CNNM2: variants seen among roughly 807,000 people sequenced by gnomAD.
CNNM2 encodes the protein metal transporter CNNM2.
In CNNM2, 12 loss-of-function variants were observed where a neutral mutation model predicts 66.9. That is an observed-to-expected ratio of 0.18 (90% CI 0.11 to 0.29). The LOEUF is 0.29. Ranked by LOEUF, CNNM2 falls within the 10% of genes least tolerant of loss-of-function variation. CNNM2 has a pLI of 1.00. For synonymous variants in CNNM2, 557 were observed against 501.8 expected, an observed-to-expected ratio of 1.11 and a Z score of -1.47; for missense variants, 705 against 1,167.7, an observed-to-expected ratio of 0.60 and a Z score of 5.77.
chr10:102,948,111 A>G (rs1187105374), intron 1 of CNNM2, among the ~76,000 whole-genome samples: 1 of 152,184 alleles, frequency 6.6e-6, no homozygotes, highest in East Asian at 1.9e-4. Context: ...TTCATCTTGT[A>G]ATTTTCTATT....
intron 6 of CNNM2, among the ~76,000 whole-genome samples, chr10:103,073,868 CAAAAAA>C (rs61331007): frequency 4.3e-5 from 3 of 70,242 alleles, no homozygotes; most frequent in African/African-American, 6.1e-5. Context: ...GACTCCGTCT[CAAAAAA>C]AAAAAAAAAA....
At position 102,918,601 on chromosome 10, in the gene CNNM2, C is replaced by T. The variant is rs1845508082; in HGVS notation, c.121C>T (p.Leu41=). ...CCTCAGCGCTCGCGGCCGGGGGATC[C>T]TGCAGGCGGCTGCGGGGCGGCTGCT... ...RSLSARGRGI[L]QAAAGRLLPL... The change falls in exon 1 of 8, where the codon CTG becomes TTG. Residue 41 remains leucine (L), a synonymous_variant. Transcript: ENST00000369878. The surrounding 1 kb of genome is among the most constrained non-coding windows in gnomAD (Gnocchi z 4.1). The T allele has an allele frequency of 3.9e-5, 60 of 1,556,260 alleles. No individual in the cohort carries two copies. The East Asian group carries it at 1.4e-3, about 37-fold the overall frequency.
intron 4 of CNNM2, among the ~76,000 whole-genome samples, chr10:103,059,889 C>A (rs2065355798): frequency 6.6e-6 from 1 of 152,192 alleles, no homozygotes; most frequent in African/African-American, 2.4e-5. Flanking sequence ...TGCCTGTAAT[C>A]CCAGAACTTT....
chr10:103,058,950 AGTTT>A lies in CNNM2; in HGVS notation c.2073+1995_2073+1998del, dbSNP rs141662196. On this transcript the variant is annotated intron_variant, in intron 4 of 7. Coordinates refer to ENST00000369878, the MANE Select transcript of CNNM2 (RefSeq NM_017649.5). Reference sequence around the variant, plus strand: ...CTTTAGGGAGCATGATCCACTGTGGAGTTTGTTTGTTTTTTTGTTTGTTTTGTTT... The same window carrying A: ...CTTTAGGGAGCATGATCCACTGTGGAGTTTGTTTTTTTGTTTGTTTTGTTT... 0.019 allele frequency among the ~76,000 whole-genome samples: 2,897 copies of A among 152,078 alleles called. 52 individuals are homozygous for A. The highest frequency in any genetic ancestry group is 0.085 in the South Asian group (408 of 4,820).
chr10:102,994,579 TG>T (rs1033178992), intron 1 of CNNM2, among the ~76,000 whole-genome samples: 21 of 152,210 alleles, frequency 1.4e-4, no homozygotes, highest in African/African-American at 5.1e-4. Context: ...AGCTGCCAGT[TG>T]GGGTTTTAAA....
Position 103,072,499 on chromosome 10 carries a change from G to A in CNNM2, c.2233+660G>A, listed in dbSNP as rs186473702. 1.3e-3 allele frequency among the ~76,000 whole-genome samples: 197 copies of A among 151,392 alleles called. 1 individual carries two copies. Among genetic ancestry groups the A allele is most frequent in the African/African-American group, 4.5e-3 (187 of 41,246 alleles). On this transcript the variant is annotated intron_variant, in intron 6 of 7. Coordinates refer to ENST00000369878, the MANE Select transcript of CNNM2 (RefSeq NM_017649.5). ...CGCTTCTCCCCGCCACCAGGCAGGC[G>A]ACCCCGCTTCTCCCCGCCACCAGGC...
In CNNM2 at chr10:102,959,727, C is replaced by T. The variant is rs141491873; in HGVS notation, c.1621+39626C>T. On this transcript the variant is annotated intron_variant, in intron 1 of 7. Transcript: ENST00000369878. ...AGTGTGCTAGGATTACAGGCATGCG[C>T]CACTGCAGCTGGCCAGCTTCCTCAT... Among the ~76,000 whole-genome samples the T allele has an allele frequency of 2.5e-3, 375 of 152,272 alleles. 2 individuals are homozygous for T. Among genetic ancestry groups the T allele is most frequent in the African/African-American group, 8.8e-3 (365 of 41,552 alleles).
rs141397486 is a variant in CNNM2 at position 102,956,372 on chromosome 10, C to T, written c.1621+36271C>T. 0.016 allele frequency among the ~76,000 whole-genome samples: 2,351 copies of T among 151,056 alleles called. 55 individuals are homozygous for T. The highest frequency in any genetic ancestry group is 0.053 in the African/African-American group (2,184 of 41,106). On this transcript the variant is annotated intron_variant, in intron 1 of 7. Transcript: ENST00000369878. ...TAGGAACGCTTTTACACTGTTGGTG[C>T]GAGTGTAAACTAGTTCAACTATTGT...
At chr10:103,007,587 G>A (rs184573001) in intron 1 of CNNM2, among the ~76,000 whole-genome samples, 17 of 152,148 alleles carry the variant, frequency 1.1e-4, no homozygotes, top group South Asian at 4.2e-4. Context: ...AATAATTCGC[G>A]ATATCTTCCC....
chr10:102,988,056 T>C (rs1262160177), intron 1 of CNNM2, among the ~76,000 whole-genome samples: 1 of 152,158 alleles, frequency 6.6e-6, no homozygotes, highest in Non-Finnish European at 1.5e-5. Flanking sequence ...CCCAGCACTT[T>C]GGGAGGCCGA....
intron 5 of CNNM2, among the ~76,000 whole-genome samples, chr10:103,071,020 G>T (rs2065570482): frequency 6.6e-6 from 1 of 152,160 alleles, no homozygotes; most frequent in Non-Finnish European, 1.5e-5. Context: ...TAAGATTTGG[G>T]ATTTTGTATA....
At chr10:102,956,258 A>C (rs1847031290) in intron 1 of CNNM2, among the ~76,000 whole-genome samples, 1 of 145,150 alleles carries the variant, frequency 6.9e-6, no homozygotes, top group Non-Finnish European at 1.5e-5. Flanking sequence ...ACTTCACTCC[A>C]GCCTGGGCAA....
chr10:103,041,289 C>T (rs754331597), intron 1 of CNNM2, among the ~76,000 whole-genome samples: 5 of 152,154 alleles, frequency 3.3e-5, no homozygotes, highest in Non-Finnish European at 5.9e-5. Context: ...TTTCACTGAG[C>T]TGTGAAACTT....
chr10:103,034,013 A>C (rs2064881009), intron 1 of CNNM2, among the ~76,000 whole-genome samples: 3 of 147,178 alleles, frequency 2.0e-5, no homozygotes, highest in Non-Finnish European at 4.5e-5. Context: ...TCACCCTTTC[A>C]TTTTTTTTTT....
intron 1 of CNNM2, among the ~76,000 whole-genome samples, chr10:103,049,095 C>T (rs1460080172): frequency 1.3e-5 from 2 of 152,146 alleles, no homozygotes; most frequent in Non-Finnish European, 2.9e-5. Flanking sequence ...GTCTTCCCGC[C>T]CGGGCCTCCC....
intron 1 of CNNM2, among the ~76,000 whole-genome samples, chr10:103,035,838 A>T (rs2064926668): frequency 6.6e-6 from 1 of 152,106 alleles, no homozygotes; most frequent in African/African-American, 2.4e-5. Context: ...GAAGTAAATG[A>T]CTTGGCTTCT....
intron 1 of CNNM2, among the ~76,000 whole-genome samples, chr10:102,922,918 G>A (rs1333645788): frequency 6.7e-6 from 1 of 150,112 alleles, no homozygotes; most frequent in East Asian, 1.9e-4. Context: ...CTACAGCCTT[G>A]GGGACAAAGA....
At chr10:102,969,581 A>G (rs2063519068) in intron 1 of CNNM2, among the ~76,000 whole-genome samples, 1 of 151,912 alleles carries the variant, frequency 6.6e-6, no homozygotes, top group South Asian at 2.1e-4. Context: ...AATATTGTAA[A>G]TTATTTCGGC....
At chr10:102,926,509 A>G (rs1411728614) in intron 1 of CNNM2, among the ~76,000 whole-genome samples, 1 of 152,142 alleles carries the variant, frequency 6.6e-6, no homozygotes, top group African/African-American at 2.4e-5. Context: ...AAAACCCACA[A>G]AACAGACTGA....
Sources: gnomAD v4.1 joint callset for allele counts (sites outside exome capture counted in the v4.1 genomes callset) on GRCh38, gnomAD v4.1.1 for gene constraint, Gnocchi (gnomAD v3.1) non-coding constraint, MANE v1.5 for transcripts, NCBI Gene and HGNC (gene_info 2026-07-23, HGNC 2026-07-21) for gene names.